TEK: variants seen among roughly 807,000 people sequenced by gnomAD.
TEK encodes TEK receptor tyrosine kinase, also known as angiopoietin-1 receptor.
Under a neutral mutation model 131.8 loss-of-function variants are expected in TEK, and 43 were observed. The observed-to-expected ratio is 0.33, with a 90% CI of 0.26 to 0.42. The LOEUF (loss-of-function observed/expected upper bound fraction) is 0.42. Ranked by LOEUF, TEK falls within the 10% of genes least tolerant of loss-of-function variation. The probability of loss-of-function intolerance (pLI) is 1.00; values close to 1 mark genes in which losing one functional copy is unlikely to be tolerated. For missense variants in TEK, 1,162 were observed against 1,384.4 expected (o/e 0.84, Z 2.55); for synonymous variants, 580 against 491.6 (o/e 1.18, Z -2.38).
intron 16 of TEK, among the ~76,000 whole-genome samples, chr9:27,211,191 A>ATGTATATGAATATATATG (rs1554701089): frequency 1.4e-5 from 2 of 143,334 alleles, no homozygotes; most frequent in African/African-American, 5.2e-5. Context: ...ATATGAATAT[A>ATGTATATGAATATATATG]TGTATATATA....
At chr9:27,175,597 C>T (rs1472306649) in intron 6 of TEK, among the ~76,000 whole-genome samples, 3 of 151,874 alleles carry the variant, frequency 2.0e-5, no homozygotes, top group Non-Finnish European at 4.4e-5. Flanking sequence ...AGTTTTCAGT[C>T]CCACCAACAG....
At chr9:27,221,633 G>GGACCTCCAGCCAACTCCAGCA (rs1281897340) in intron 21 of TEK, among the ~76,000 whole-genome samples, 1 of 152,072 alleles carries the variant, frequency 6.6e-6, no homozygotes, top group Non-Finnish European at 1.5e-5. Context: ...GGTCTGGAGT[G>GGACCTCCAGCCAACTCCAGCA]GACCTCCAGC....
intron 21 of TEK, among the ~76,000 whole-genome samples, chr9:27,221,712 GTATCAACATCAACAA>G (rs755099566): frequency 2.0e-4 from 30 of 152,192 alleles, no homozygotes; most frequent in Non-Finnish European, 3.2e-4. Flanking sequence ...GAAAGGAATA[GTATCAACATCAACAA>G]AAAGGACCTC....
At chr9:27,190,909 C>T (rs1328561900) in intron 10 of TEK, among the ~76,000 whole-genome samples, 1 of 152,146 alleles carries the variant, frequency 6.6e-6, no homozygotes, top group African/African-American at 2.4e-5. Flanking sequence ...GAACACAGAA[C>T]CAGCTCACAC....
intron 16 of TEK, among the ~76,000 whole-genome samples, chr9:27,211,432 CTTTT>C (rs138801213): frequency 4.3e-5 from 3 of 70,526 alleles, no homozygotes; most frequent in Non-Finnish European, 5.3e-5. Context: ...ATCTTTCAAG[CTTTT>C]TTTTTTTTTT....
intron 1 of TEK, among the ~76,000 whole-genome samples, chr9:27,136,695 G>T (rs1199424328): frequency 6.6e-6 from 1 of 152,160 alleles, no homozygotes; most frequent in Non-Finnish European, 1.5e-5. Context: ...GCAATGCAAA[G>T]AACTTCACAA....
intron 11 of TEK, chr9:27,195,678 A>AT: frequency 2.2e-6 from 1 of 456,076 alleles, no homozygotes; most frequent in Non-Finnish European, 4.4e-6. Flanking sequence ...GTCCAGTGAC[A>AT]TAAGACATCT....
Position 27,157,933 on chromosome 9 carries a change from A to G in TEK, c.155A>G (p.His52Arg), listed in dbSNP as rs750372594. The change falls in exon 2 of 23, where the codon CAT becomes CGT. Residue 52 changes from histidine to arginine, a missense_variant. Transcript: ENST00000380036. ...TGCATTGCCTCTGGGTGGCGCCCCC[A>G]TGAGCCCATCACCATAGGAAGGGAC... ...LTCIASGWRP[H>R]EPITIGRDFE... is the part of the protein sequence containing the mutation. The G allele has an allele frequency of 8.7e-6, 14 of 1,614,038 alleles. No homozygotes were observed. The Admixed American group carries it at 1.7e-4, about 19-fold the overall frequency.
intron 1 of TEK, among the ~76,000 whole-genome samples, chr9:27,143,122 A>C (rs1822789078): frequency 6.6e-6 from 1 of 152,118 alleles, no homozygotes. Flanking sequence ...TTCTTTATCA[A>C]CCCACAGGAA....
chr9:27,192,414 G>T lies in TEK; in HGVS notation c.1490-75G>T, dbSNP rs909039088. 7 of 1,568,776 alleles carry T rather than the reference G, an allele frequency of 4.5e-6. No homozygotes were observed. The African/African-American group carries it at 5.4e-5, about 12-fold the overall frequency. On this transcript the variant is annotated intron_variant, in intron 10 of 22. Coordinates refer to ENST00000380036, the MANE Select transcript of TEK (RefSeq NM_000459.5). The stretch of plus-strand genomic sequence containing the variant: ...TGAAAACCTAAAATTAGTTCACATC[G>T]CAATAACAACAACCCCGGCTTAAGG...
intron 11 of TEK, 141 bp from the exon 12 acceptor site, chr9:27,197,174 C>G (rs1351036085): frequency 7.3e-6 from 6 of 817,944 alleles, no homozygotes; most frequent in Non-Finnish European, 1.2e-5. Context: ...CATGGGAAGT[C>G]ACACTCATCA....
chr9:27,206,313 T>G (rs1271945503), intron 14 of TEK, among the ~76,000 whole-genome samples: 1 of 152,174 alleles, frequency 6.6e-6, no homozygotes, highest in Non-Finnish European at 1.5e-5. Context: ...ACATGGAATA[T>G]GTACTGTTAC....
At chr9:27,128,978 GCCTGATTGC>G (rs1412281938) in intron 1 of TEK, among the ~76,000 whole-genome samples, 1 of 152,040 alleles carries the variant, frequency 6.6e-6, no homozygotes. Context: ...TCTTTCTCTT[GCCTGATTGC>G]CCTGGCCAGA....
intron 1 of TEK, among the ~76,000 whole-genome samples, chr9:27,126,635 A>G (rs1822000439): frequency 6.6e-6 from 1 of 152,240 alleles, no homozygotes; most frequent in Non-Finnish European, 1.5e-5. Flanking sequence ...ACAGGGCAAT[A>G]TAGCACAGAC....
At chr9:27,177,882 C>T (rs979270277) in intron 6 of TEK, among the ~76,000 whole-genome samples, 6 of 152,140 alleles carry the variant, frequency 3.9e-5, no homozygotes, top group African/African-American at 1.2e-4. Context: ...CAGGTGTATA[C>T]TTTGGAAATA....
At chr9:27,175,322 A>C (rs1416250437) in intron 6 of TEK, among the ~76,000 whole-genome samples, 8 of 150,090 alleles carry the variant, frequency 5.3e-5, no homozygotes, top group Admixed American at 2.0e-4. Context: ...TGAACTCATC[A>C]TTTTTTATGG....
At chr9:27,109,984 TA>T (rs1298940791) in intron 1 of TEK, among the ~76,000 whole-genome samples, 98 of 49,802 alleles carry the variant, frequency 2.0e-3, no homozygotes, top group African/African-American at 4.2e-3. Context: ...ATTTTTTTTT[TA>T]AAGAACAAAC....
At chr9:27,128,573 G>A (rs1054523394) in intron 1 of TEK, among the ~76,000 whole-genome samples, 12 of 152,264 alleles carry the variant, frequency 7.9e-5, no homozygotes, top group Admixed American at 7.8e-4. Flanking sequence ...GGGGCAGTAT[G>A]GCCATTTTCA....
chr9:27,124,971 C>T (rs1222366468), intron 1 of TEK, among the ~76,000 whole-genome samples: 10 of 152,252 alleles, frequency 6.6e-5, no homozygotes, highest in African/African-American at 1.9e-4. Flanking sequence ...GAGTGACCTT[C>T]GGAACAGTCC....
Sources: gnomAD v4.1 joint callset for allele counts (sites outside exome capture counted in the v4.1 genomes callset) on GRCh38, gnomAD v4.1.1 for gene constraint, MANE v1.5 for transcripts, NCBI Gene and HGNC (gene_info 2026-07-23, HGNC 2026-07-21) for gene names.